Variants in TRAPPC12 observed in about 807,000 individuals in gnomAD.
TRAPPC12 encodes trafficking protein particle complex subunit 12, also known as TPR repeat protein 15.
TRAPPC12 carries 61 observed loss-of-function variants against 69.2 expected under a neutral mutation model. The ratio of observed to expected loss-of-function variants is 0.88; its 90% CI spans 0.72 to 1.09. The LOEUF (loss-of-function observed/expected upper bound fraction) is 1.09, where lower values mean the gene tolerates loss of function less well. Ranked by LOEUF, TRAPPC12 falls within the 50% of genes least tolerant of loss-of-function variation. The probability of loss-of-function intolerance (pLI) is 0.00; values close to 1 mark genes in which losing one functional copy is unlikely to be tolerated. For missense variants in TRAPPC12, 1,101 were observed against 1,016.4 expected, an observed-to-expected ratio of 1.08 and a Z score of -1.13; for synonymous variants, 469 against 438.9, an observed-to-expected ratio of 1.07 and a Z score of -0.86.
chr2:3,424,430 A>T, intron 4 of TRAPPC12, 95 bp from the exon 5 acceptor site: 1 of 1,071,946 alleles, frequency 9.3e-7, no homozygotes, highest in Non-Finnish European at 1.4e-6. Context: ...TTAATATATG[A>T]GAAATTAACC....
At chr2:3,472,189 G>GGGC (rs1242289638) in intron 9 of TRAPPC12, among the ~76,000 whole-genome samples, 1 of 152,196 alleles carries the variant, frequency 6.6e-6, no homozygotes, top group East Asian at 1.9e-4. Flanking sequence ...CAGGAACCCA[G>GGGC]GGCAGGGTGG....
chr2:3,443,232 A>G (rs1664320452), intron 5 of TRAPPC12, among the ~76,000 whole-genome samples: 1 of 152,202 alleles, frequency 6.6e-6, no homozygotes, highest in South Asian at 2.1e-4. Context: ...CTCCAGGGCC[A>G]CATGGAATCC....
In TRAPPC12 at chr2:3,388,435, C is replaced by T; in HGVS notation, c.812C>T (p.Ala271Val). ...GTGGCCATGCGAGGGCCCCAGGCAG[C>T]TGCGCCCCCGGCGTCGCCAGAGCCT... ...EPVAMRGPQA[A>V]APPASPEPFA... is the part of the protein sequence containing the mutation. The change falls in exon 2 of 12, where the codon GCT becomes GTT. Residue 271 changes from alanine (A) to valine (V), a missense_variant. Physicochemically the swap from Ala to Val is moderately conservative, Grantham distance 64. Coordinates refer to ENST00000324266, the MANE Select transcript of TRAPPC12 (RefSeq NM_016030.6). The T allele has an allele frequency of 3.1e-6, 5 of 1,607,244 alleles. No homozygotes were observed. Among genetic ancestry groups the T allele is most frequent in the Non-Finnish European group, 4.2e-6 (5 of 1,177,298 alleles).
intron 6 of TRAPPC12, among the ~76,000 whole-genome samples, chr2:3,448,720 C>T (rs897852819): frequency 2.0e-5 from 3 of 151,368 alleles, no homozygotes; most frequent in Admixed American, 1.3e-4. Flanking sequence ...GCGTGGAGAG[C>T]AGCCGGTTAC....
chr2:3,443,864 G>A lies in TRAPPC12; in HGVS notation c.1503G>A (p.Leu501=), dbSNP rs1158566344. 4.3e-6 allele frequency: 7 copies of A among 1,613,752 alleles called. No homozygotes were observed. The African/African-American group carries it at 8.0e-5, about 18-fold the overall frequency. ...LGNPQESLDR[L]HKVKTVCSKI... is the part of the protein sequence containing the mutation. ...ACCCACAGGAGTCGCTGGATAGACT[G>A]CACAAGGTGAAGACTGTCTGCAGCA... is the stretch of plus-strand genomic sequence containing the variant. The change falls in exon 6 of 12, where the codon CTG becomes CTA. Residue 501 remains leucine, a synonymous_variant. Coordinates refer to ENST00000324266, the MANE Select transcript of TRAPPC12 (RefSeq NM_016030.6).
chr2:3,411,370 G>C (rs1662047914), intron 3 of TRAPPC12, among the ~76,000 whole-genome samples: 1 of 152,196 alleles, frequency 6.6e-6, no homozygotes, highest in Non-Finnish European at 1.5e-5. Flanking sequence ...CTGTCTGCAT[G>C]AGTGCTGATC....
intron 3 of TRAPPC12, among the ~76,000 whole-genome samples, chr2:3,407,154 A>G (rs148356619): frequency 2.6e-4 from 40 of 152,340 alleles, no homozygotes; most frequent in Admixed American, 1.6e-3. Context: ...GCCTGGGAGA[A>G]GGACGTGTTA....
chr2:3,387,909 G>C lies in TRAPPC12; in HGVS notation c.286G>C (p.Gly96Arg). The C allele has an allele frequency of 6.5e-7, 1 of 1,545,604 alleles. No individual in the cohort carries two copies. The highest frequency in any genetic ancestry group is 8.7e-7 in the Non-Finnish European group (1 of 1,145,036). The change falls in exon 2 of 12, where the codon GGG becomes CGG. Residue 96 changes from glycine (G) to arginine (R), a missense_variant. By Grantham distance (125) the Gly-to-Arg change is moderately radical. Transcript: ENST00000324266. ...GRVRDEAEPG[G>R]EGDPGPEPAG... ...AGTGCGGGACGAAGCTGAGCCCGGA[G>C]GGGAAGGCGACCCAGGCCCGGAGCC... is the stretch of plus-strand genomic sequence containing the variant.
At chr2:3,440,094 A>G (rs757552041) in intron 5 of TRAPPC12, among the ~76,000 whole-genome samples, 1 of 152,088 alleles carries the variant, frequency 6.6e-6, no homozygotes, top group Non-Finnish European at 1.5e-5. Flanking sequence ...TCTTTTTTAC[A>G]GTAGCTTTAG....
intron 2 of TRAPPC12, among the ~76,000 whole-genome samples, chr2:3,398,163 T>C (rs1558348333): frequency 6.6e-6 from 1 of 152,252 alleles, no homozygotes; most frequent in Non-Finnish European, 1.5e-5. Flanking sequence ...GTAATGCTAC[T>C]GTGAACATTC....
At chr2:3,409,653 G>T (rs1053190317) in intron 3 of TRAPPC12, among the ~76,000 whole-genome samples, 1 of 151,136 alleles carries the variant, frequency 6.6e-6, no homozygotes, top group African/African-American at 2.4e-5. Context: ...GGGAAGCTGA[G>T]GTGGGAGGAT....
intron 3 of TRAPPC12, among the ~76,000 whole-genome samples, chr2:3,419,926 G>A (rs928215686): frequency 2.6e-5 from 4 of 152,184 alleles, no homozygotes; most frequent in African/African-American, 4.8e-5. Flanking sequence ...AAGATGGCAC[G>A]GCCACTTAGG....
intron 1 of TRAPPC12, among the ~76,000 whole-genome samples, chr2:3,386,573 G>GT (rs1210723116): frequency 6.6e-6 from 1 of 152,216 alleles, no homozygotes; most frequent in Non-Finnish European, 1.5e-5. Flanking sequence ...GCGGATAAAT[G>GT]TTAGCTAGTT....
At chr2:3,452,671 C>A (rs1429551546) in intron 6 of TRAPPC12, among the ~76,000 whole-genome samples, 1 of 152,242 alleles carries the variant, frequency 6.6e-6, no homozygotes, top group East Asian at 1.9e-4. Flanking sequence ...TGCCCAGCAG[C>A]CAAACCTCAG....
chr2:3,433,928 A>G (rs1663609208), intron 5 of TRAPPC12, among the ~76,000 whole-genome samples: 1 of 151,786 alleles, frequency 6.6e-6, no homozygotes, highest in Non-Finnish European at 1.5e-5. Context: ...CAGGAGAGAG[A>G]CGGGCCTCAG....
intron 3 of TRAPPC12, among the ~76,000 whole-genome samples, chr2:3,407,002 C>T (rs1416965263): frequency 6.6e-6 from 1 of 152,176 alleles, no homozygotes; most frequent in Non-Finnish European, 1.5e-5. Context: ...GGATCTTTAC[C>T]TTGCCCTGGT....
chr2:3,424,451 A>G, intron 4 of TRAPPC12, 74 bp from the exon 5 acceptor site: 1 of 1,365,020 alleles, frequency 7.3e-7, no homozygotes, highest in Non-Finnish European at 1.0e-6. Context: ...TCTAACACCA[A>G]CTCATAAGGA....
At chr2:3,424,342 C>A (rs1002235076) in intron 4 of TRAPPC12, among the ~76,000 whole-genome samples, 183 bp from the exon 5 acceptor site, 3 of 152,214 alleles carry the variant, frequency 2.0e-5, no homozygotes, top group Admixed American at 1.3e-4. Context: ...CATGAGGCAT[C>A]ATGCCCAGCT....
chr2:3,436,528 A>G (rs984147310), intron 5 of TRAPPC12, among the ~76,000 whole-genome samples: 4 of 152,094 alleles, frequency 2.6e-5, no homozygotes, highest in Admixed American at 2.6e-4. Flanking sequence ...TAATAAGTAT[A>G]AAAATTTTGC....
Sources: gnomAD v4.1 joint callset for allele counts (sites outside exome capture counted in the v4.1 genomes callset) on GRCh38, gnomAD v4.1.1 for gene constraint, MANE v1.5 for transcripts, NCBI Gene and HGNC (gene_info 2026-07-23, HGNC 2026-07-21) for gene names.